The following GGTA1 variants were observed in gnomAD, a reference collection of about 807,000 sequenced individuals.
GGTA1 encodes inactive N-acetyllactosaminide alpha-1,3-galactosyltransferase.
A neutral mutation model predicts 2.6 loss-of-function variants in GGTA1; 5 were observed. The ratio of observed to expected loss-of-function variants is 1.92; its 90% confidence interval spans 1.00 to 4.04. GGTA1 has a LOEUF of 4.04. Ranked by LOEUF, GGTA1 falls within the 30% of genes most tolerant of loss-of-function variation. GGTA1 has a pLI of 0.00. For missense variants in GGTA1, 50 were observed against 16.7 expected (o/e 2.99, Z -3.47); for synonymous variants, 17 against 5.0 (o/e 3.38, Z -3.19).
intron 1 of GGTA1, among the ~76,000 whole-genome samples, chr9:121,496,398 T>C (rs1828992759): frequency 6.6e-6 from 1 of 152,090 alleles, no homozygotes; most frequent in Non-Finnish European, 1.5e-5. Flanking sequence ...CCCTGACTCA[T>C]GTTATTTTCT....
intron 1 of GGTA1, among the ~76,000 whole-genome samples, chr9:121,498,930 A>C (rs1440679194): frequency 6.7e-6 from 1 of 149,350 alleles, no homozygotes; most frequent in African/African-American, 2.5e-5. Flanking sequence ...GAGTTTGTGC[A>C]ATCATTGTGT....
At chr9:121,491,538 C>T (rs1343998886) in intron 1 of GGTA1, among the ~76,000 whole-genome samples, 1 of 152,110 alleles carries the variant, frequency 6.6e-6, no homozygotes, top group Non-Finnish European at 1.5e-5. Context: ...CCTCCCTGGC[C>T]AGGATCAGGC....
intron 1 of GGTA1, among the ~76,000 whole-genome samples, chr9:121,493,699 C>T (rs1376923252): frequency 6.6e-6 from 1 of 151,540 alleles, no homozygotes; most frequent in African/African-American, 2.4e-5. Context: ...CCCTCTTGAC[C>T]ACATCCTCCT....
At chr9:121,453,209 T>C (rs1321551588), downstream of GGTA1, among the ~76,000 whole-genome samples, 2 of 152,220 alleles carry the variant, frequency 1.3e-5, no homozygotes, top group Admixed American at 6.5e-5. Context: ...AGGAAGGCAT[T>C]TGATGGAGGC....
intron 1 of GGTA1, among the ~76,000 whole-genome samples, chr9:121,487,029 G>A (rs1828771072): frequency 6.6e-6 from 1 of 152,056 alleles, no homozygotes; most frequent in Admixed American, 6.6e-5. Context: ...AAACTCTGGG[G>A]GAAGAGACAG....
chr9:121,483,434 T>C (rs1477397800), intron 1 of GGTA1, among the ~76,000 whole-genome samples: 1 of 152,192 alleles, frequency 6.6e-6, no homozygotes, highest in Non-Finnish European at 1.5e-5. Context: ...GCCCTCCTCC[T>C]TCCCTGACAC....
At chr9:121,480,540 G>C (rs926171704) in intron 1 of GGTA1, among the ~76,000 whole-genome samples, 13 of 152,052 alleles carry the variant, frequency 8.5e-5, no homozygotes, top group African/African-American at 3.1e-4. Flanking sequence ...GTACAGTCTG[G>C]AAACCCCAGA....
chr9:121,488,369 C>A (rs539559627), intron 1 of GGTA1, among the ~76,000 whole-genome samples: 1 of 152,288 alleles, frequency 6.6e-6, no homozygotes, highest in South Asian at 2.1e-4. Flanking sequence ...TAGCACCGTT[C>A]TAAACCCTGG....
rs79335010 is a variant in GGTA1, at chr9:121,455,419, A to T, written c.*418T>A. 6.4e-3 allele frequency: 984 copies of T among 152,674 alleles called. 5 individuals are homozygous for T. The highest frequency in any genetic ancestry group is 0.011 in the Non-Finnish European group (747 of 68,260). 9.5% of individuals were successfully genotyped at this position (152,674 alleles called of 1,614,324 possible). A position where few individuals can be genotyped will look rare whatever the true frequency, so the allele number is the denominator to read the frequency against. On this transcript the variant is annotated 3_prime_UTR_variant, in exon 6 of 6. Coordinates refer to ENST00000481799, the MANE Select transcript of GGTA1 (RefSeq NM_001382585.1). ...TAAAAAAGGAAAAGGAGGAATAGGTATACTTATTTAATACTTATTGTGCAC... is the reference window on the plus strand; with the variant it reads ...TAAAAAAGGAAAAGGAGGAATAGGTTTACTTATTTAATACTTATTGTGCAC...
downstream of GGTA1, among the ~76,000 whole-genome samples, chr9:121,453,622 G>A (rs1441564985): frequency 1.3e-5 from 2 of 152,200 alleles, no homozygotes; most frequent in Non-Finnish European, 2.9e-5. Flanking sequence ...TTCACTGTGG[G>A]CAGCATCTTA....
chr9:121,448,354 T>G (rs942037812), intron 7 of GGTA1, among the ~76,000 whole-genome samples: 3 of 152,124 alleles, frequency 2.0e-5, no homozygotes, highest in African/African-American at 7.2e-5. Flanking sequence ...AGCACTCTCT[T>G]GTCCTCTGTG....
In GGTA1 at chr9:121,467,870, A is replaced by T. The variant is rs2065015943; in HGVS notation, c.53T>A (p.Ile18Asn). 2.2e-6 allele frequency: 1 copy of T among 456,256 alleles called. No homozygotes were observed. Among genetic ancestry groups the T allele is most frequent in the Non-Finnish European group, 4.4e-6 (1 of 226,874 alleles). The allele number at this position is 456,256 out of a possible 1,614,324, so 28.3% of individuals were successfully genotyped here. A position where few individuals can be genotyped will look rare whatever the true frequency, so the allele number is the denominator to read the frequency against. The change falls in exon 2 of 6, where the codon ATC becomes AAC. Residue 18 changes from isoleucine (I) to asparagine (N), a missense_variant. Physicochemically the swap from Ile to Asn is moderately radical, Grantham distance 149. Transcript: ENST00000481799. The stretch of plus-strand genomic sequence containing the variant: ...GTTGATAAATTCCCAAAACACAATG[A>T]TCACAGTTGAGACAACCAGCATTGA... The part of the protein sequence containing the change: ...ILSMLVVSTV[I>N]IVFWEFINST...
Position 121,482,862 on chromosome 9 carries a change from T to C in GGTA1, c.-9-14931A>G, listed in dbSNP as rs139331119. ...TCTGGAGGCTGAGGCAGGAGAATCA[T>C]TGGAATCCGGGAGGCGGGGAGGAGG... On this transcript the variant is annotated intron_variant, in intron 1 of 5. Transcript: ENST00000481799. Among the ~76,000 whole-genome samples, 1,290 of 152,054 alleles carry C rather than the reference T, an allele frequency of 8.5e-3. 18 individuals carry two copies. The highest frequency in any genetic ancestry group is 0.029 in the African/African-American group (1,207 of 41,476).
chr9:121,461,375 G>T (rs905303997), intron 3 of GGTA1, 58 bp from the exon 4 acceptor site: 1 of 425,316 alleles, frequency 2.4e-6, no homozygotes, highest in African/African-American at 2.1e-5. Flanking sequence ...CCAAACTTAG[G>T]GTTTCCAAAT....
At chr9:121,464,324 GTT>G (rs10681377) in intron 2 of GGTA1, among the ~76,000 whole-genome samples, 16 of 111,886 alleles carry the variant, frequency 1.4e-4, no homozygotes, top group African/African-American at 5.2e-4. Flanking sequence ...CCTCCTTGAG[GTT>G]TTTTTTTTTT....
chr9:121,457,420 G>A (rs954738190), intron 5 of GGTA1, among the ~76,000 whole-genome samples: 1 of 152,196 alleles, frequency 6.6e-6, no homozygotes, highest in Non-Finnish European at 1.5e-5. Flanking sequence ...TGGTGTATAA[G>A]CCGGGCGTGG....
chr9:121,480,208 A>G (rs933765349), intron 1 of GGTA1, among the ~76,000 whole-genome samples: 1 of 151,838 alleles, frequency 6.6e-6, no homozygotes, highest in African/African-American at 2.4e-5. Context: ...GGCACATGCC[A>G]CCACGCCCAG....
At chr9:121,464,324 G>GTTTTTTTTTTTTT (rs10681377) in intron 2 of GGTA1, among the ~76,000 whole-genome samples, 1 of 111,896 alleles carries the variant, frequency 8.9e-6, no homozygotes, top group Non-Finnish European at 1.7e-5. Flanking sequence ...CCTCCTTGAG[G>GTTTTTTTTTTTTT]TTTTTTTTTT....
At chr9:121,465,712 G>A (rs996304350) in intron 2 of GGTA1, among the ~76,000 whole-genome samples, 4 of 152,096 alleles carry the variant, frequency 2.6e-5, no homozygotes, top group Admixed American at 2.6e-4. Context: ...AGAACTGAAA[G>A]AATTAAATTC....
Sources: allele counts gnomAD v4.1 joint callset (sites outside exome capture counted in the v4.1 genomes callset), GRCh38; gene constraint gnomAD v4.1.1; transcripts MANE v1.5; gene names NCBI Gene and HGNC (gene_info 2026-07-23, HGNC 2026-07-21).